SUMF1: variants seen among roughly 807,000 people sequenced by gnomAD.
SUMF1 encodes the protein sulfatase modifying factor 1.
SUMF1 carries 48 observed loss-of-function variants against 47.6 expected under a neutral mutation model. The observed-to-expected ratio is 1.01, with a 90% CI of 0.80 to 1.28. The LOEUF (loss-of-function observed/expected upper bound fraction) is 1.28, where lower values mean the gene tolerates loss of function less well. Among genes scored for constraint, SUMF1 ranks in the 50% most tolerant of loss-of-function variants. SUMF1 has a pLI of 0.00. For synonymous variants in SUMF1, 230 were observed against 192.1 expected, an observed-to-expected ratio of 1.20 and a Z score of -1.63; for missense variants, 571 against 485.4, an observed-to-expected ratio of 1.18 and a Z score of -1.66.
rs372945766 is a variant in SUMF1 at position 4,244,009 on chromosome 3, G to A, written c.1014+132321C>T. Among the ~76,000 whole-genome samples the A allele has an allele frequency of 7.2e-5, 11 of 152,278 alleles. 2 individuals are homozygous for A. The highest frequency in any genetic ancestry group is 6.5e-5 in the Admixed American group (1 of 15,292). ...GTTGAATTGATCCCTTTACCATTAT[G>A]TAATGGCCTTCTTTATCTCTTTTGA... On this transcript the variant is annotated intron_variant and NMD_transcript_variant, in intron 8 of 12. Transcript: ENST00000448413.
intron 3 of SUMF1, among the ~76,000 whole-genome samples, chr3:4,443,120 T>G (rs1055933228): frequency 4.0e-5 from 6 of 151,586 alleles, no homozygotes; most frequent in Non-Finnish European, 8.8e-5. Context: ...TGTTAAAAAA[T>G]ACAAAACATT....
intron 7 of SUMF1, among the ~76,000 whole-genome samples, chr3:4,410,154 T>C (rs1701495718): frequency 6.6e-6 from 1 of 152,216 alleles, no homozygotes; most frequent in African/African-American, 2.4e-5. Flanking sequence ...TATTCAGAGA[T>C]GTTCTTTTTA....
intron 8 of SUMF1, among the ~76,000 whole-genome samples, chr3:4,111,440 C>T (rs1693304174): frequency 6.6e-6 from 1 of 151,992 alleles, no homozygotes; most frequent in African/African-American, 2.4e-5. Context: ...TATTTCTCGG[C>T]CGGGCGCAGT....
intron 8 of SUMF1, among the ~76,000 whole-genome samples, chr3:4,172,026 T>A (rs1023090879): frequency 7.2e-5 from 11 of 152,052 alleles, no homozygotes; most frequent in Admixed American, 3.9e-4. Context: ...ATATGACGGG[T>A]TGAATGTGGC....
intron 8 of SUMF1, among the ~76,000 whole-genome samples, chr3:4,069,272 T>C (rs1236645437): frequency 6.6e-6 from 1 of 152,106 alleles, no homozygotes; most frequent in African/African-American, 2.4e-5. Flanking sequence ...CTTAGGGCCC[T>C]GCAAGGGAGA....
At chr3:4,434,835 G>T (rs1417367881) in intron 3 of SUMF1, among the ~76,000 whole-genome samples, 3 of 152,166 alleles carry the variant, frequency 2.0e-5, no homozygotes, top group African/African-American at 7.2e-5. Flanking sequence ...CTAGAGAATT[G>T]TAACAAGCCC....
At chr3:4,262,409 CTA>C (rs1340164143) in intron 8 of SUMF1, among the ~76,000 whole-genome samples, 3 of 152,176 alleles carry the variant, frequency 2.0e-5, no homozygotes, top group Admixed American at 6.5e-5. Flanking sequence ...TAATATTTCT[CTA>C]TGTGCCAAAG....
intron 3 of SUMF1, among the ~76,000 whole-genome samples, chr3:4,439,208 A>C (rs1452247921): frequency 6.6e-6 from 1 of 152,198 alleles, no homozygotes; most frequent in Admixed American, 6.5e-5. Flanking sequence ...AAACTTAAGA[A>C]GTCAAAAAAA....
intron 6 of SUMF1, among the ~76,000 whole-genome samples, chr3:4,412,046 C>T (rs1038899609): frequency 2.1e-4 from 32 of 152,136 alleles, no homozygotes; most frequent in African/African-American, 6.8e-4. Flanking sequence ...ATCAAAGTCA[C>T]GAAGCTAGTG....
chr3:4,112,509 C>G (rs150646152), intron 8 of SUMF1, among the ~76,000 whole-genome samples: 66 of 152,212 alleles, frequency 4.3e-4, no homozygotes, highest in Admixed American at 7.9e-4. Context: ...TCTAGTATCT[C>G]TTTTTAATTC....
At chr3:4,072,160 A>T (rs988285197) in intron 8 of SUMF1, among the ~76,000 whole-genome samples, 1 of 152,144 alleles carries the variant, frequency 6.6e-6, no homozygotes, top group African/African-American at 2.4e-5. Context: ...CAGGGTCTGG[A>T]GTGGACCTCC....
At chr3:4,369,226 C>T (rs915068667) in intron 8 of SUMF1, among the ~76,000 whole-genome samples, 6 of 152,014 alleles carry the variant, frequency 3.9e-5, no homozygotes, top group Non-Finnish European at 5.9e-5. Context: ...TCTCATTTTC[C>T]TTGTGGTCAG....
chr3:4,458,850 C>T (rs954025116), intron 1 of SUMF1, among the ~76,000 whole-genome samples: 4 of 151,910 alleles, frequency 2.6e-5, no homozygotes, highest in Admixed American at 6.6e-5. Flanking sequence ...AGCTAGATTC[C>T]GTCTCAAGAG....
chr3:4,302,137 G>T (rs987681445), intron 8 of SUMF1, among the ~76,000 whole-genome samples: 1 of 152,230 alleles, frequency 6.6e-6, no homozygotes, highest in South Asian at 2.1e-4. Context: ...TCTCAATTTA[G>T]AAAGTTTATT....
At chr3:4,173,532 T>C (rs999604444) in intron 8 of SUMF1, among the ~76,000 whole-genome samples, 5 of 152,188 alleles carry the variant, frequency 3.3e-5, no homozygotes, top group Non-Finnish European at 7.4e-5. Flanking sequence ...TTAATGGGTA[T>C]ACACCCAAAG....
At chr3:4,126,114 A>G (rs1383964359) in intron 8 of SUMF1, among the ~76,000 whole-genome samples, 1 of 151,780 alleles carries the variant, frequency 6.6e-6, no homozygotes, top group Non-Finnish European at 1.5e-5. Flanking sequence ...AGAATTATAT[A>G]TAGATGCTTC....
At chr3:4,256,175 A>G (rs1313976341) in intron 8 of SUMF1, among the ~76,000 whole-genome samples, 1 of 91,900 alleles carries the variant, frequency 1.1e-5, no homozygotes, top group African/African-American at 4.8e-5. Flanking sequence ...AAAGATCCAA[A>G]ATTGACACCC....
At chr3:4,057,167 C>A (rs1354840118) in intron 9 of SUMF1, among the ~76,000 whole-genome samples, 8 of 152,090 alleles carry the variant, frequency 5.3e-5, no homozygotes, top group Non-Finnish European at 8.8e-5. Context: ...AGAGGGGCAA[C>A]AAGGGTAGCA....
At chr3:4,275,766 A>G (rs1185170516) in intron 8 of SUMF1, among the ~76,000 whole-genome samples, 3 of 152,176 alleles carry the variant, frequency 2.0e-5, no homozygotes, top group African/African-American at 7.2e-5. Context: ...GGTAACCTAC[A>G]ATGTTCTCTA....
Sources: gnomAD v4.1 joint callset for allele counts (sites outside exome capture counted in the v4.1 genomes callset) on GRCh38, gnomAD v4.1.1 for gene constraint, MANE v1.5 for transcripts, NCBI Gene and HGNC (gene_info 2026-07-23, HGNC 2026-07-21) for gene names.